Variants in RAI2 observed in about 807,000 individuals in gnomAD.
RAI2 encodes the protein retinoic acid-induced protein 2.
Under a neutral mutation model 15.3 loss-of-function variants are expected in RAI2, and 5 were observed. The observed-to-expected ratio is 0.33, with a 90% CI of 0.17 to 0.69. The LOEUF is 0.69. RAI2 is among the 30% of genes least tolerant of loss of function. The pLI, the probability that RAI2 is intolerant of heterozygous loss-of-function variation, is 0.69. For synonymous variants in RAI2, 191 were observed against 184.0 expected, an observed-to-expected ratio of 1.04 and a Z score of -0.31; for missense variants, 424 against 424.7, an observed-to-expected ratio of 1.00 and a Z score of 0.01.
chrX:17,849,874 G>C (rs1203616020), intron 1 of RAI2, among the ~76,000 whole-genome samples: 2 of 112,665 alleles, frequency 1.8e-5, no homozygotes, highest in African/African-American at 6.5e-5. Flanking sequence ...TTTTGTGAAA[G>C]GCTTCCTTTT....
chrX:17,854,864 G>T (rs1399862320), intron 1 of RAI2, among the ~76,000 whole-genome samples: 1 of 111,978 alleles, frequency 8.9e-6, no homozygotes, highest in Admixed American at 9.4e-5. Context: ...GCCCAAGGGG[G>T]TCAGCCAAGG....
At chrX:17,852,027 G>A (rs953988712) in intron 1 of RAI2, among the ~76,000 whole-genome samples, 2 of 111,730 alleles carry the variant, frequency 1.8e-5, no homozygotes, top group African/African-American at 6.5e-5. Flanking sequence ...AGTGGCCTCT[G>A]CACCACGAAA....
chrX:17,838,212 G>T (rs753867943), intron 1 of RAI2, among the ~76,000 whole-genome samples: 1 of 112,223 alleles, frequency 8.9e-6, no homozygotes, highest in Non-Finnish European at 1.9e-5. Flanking sequence ...AGCTCTTCAG[G>T]GTGCTGGGAC....
chrX:17,857,198 T>C (rs1021671782), intron 1 of RAI2, among the ~76,000 whole-genome samples: 1 of 111,861 alleles, frequency 8.9e-6, no homozygotes, highest in African/African-American at 3.3e-5. Context: ...GGCTTTTGTG[T>C]GTGGGAAGAG....
At chrX:17,842,825 T>C (rs748448525) in intron 1 of RAI2, among the ~76,000 whole-genome samples, 1 of 111,746 alleles carries the variant, frequency 8.9e-6, no homozygotes, top group East Asian at 2.8e-4. Flanking sequence ...AAACAAGATT[T>C]ACTACCAAGG....
At chrX:17,838,429 C>T (rs1230843560) in intron 1 of RAI2, among the ~76,000 whole-genome samples, 1 of 111,790 alleles carries the variant, frequency 8.9e-6, no homozygotes, top group Non-Finnish European at 1.9e-5. Context: ...CTGTCTCTCT[C>T]TGTCTTTCTC....
At position 17,802,874 on chromosome X, in the gene RAI2, C is replaced by G. The variant is rs145351781; in HGVS notation, c.-24-840G>C. Among the ~76,000 whole-genome samples the G allele has an allele frequency of 9.8e-5, 11 of 111,698 alleles. No individual in the cohort carries two copies. The East Asian group carries it at 3.1e-3, about 32-fold the overall frequency. Reference sequence around the variant, plus strand: ...TCGGCACCTCCCACAGACCTCTGGCCACCTCCTGAGAGGCCAAAGGCACCT... The same window carrying G: ...TCGGCACCTCCCACAGACCTCTGGCGACCTCCTGAGAGGCCAAAGGCACCT... On this transcript the variant is annotated intron_variant, in intron 1 of 1. Transcript: ENST00000451717.
chrX:17,823,888 GTAAATGGA>G (rs1175320995), intron 1 of RAI2, among the ~76,000 whole-genome samples: 20 of 111,399 alleles, frequency 1.8e-4, no homozygotes, highest in Middle Eastern at 4.6e-3. Context: ...TCACCACTAC[GTAAATGGA>G]TAGCTTATCC....
In RAI2 at chrX:17,805,382, C is replaced by T. The variant is rs192218394; in HGVS notation, c.-24-3348G>A. Reference sequence around the variant, plus strand: ...GGGCCTCGTCTGTCCCTCTGGTCACCGGAGTTCCTCCTGTCCTTGGGGACT... The same window carrying T: ...GGGCCTCGTCTGTCCCTCTGGTCACTGGAGTTCCTCCTGTCCTTGGGGACT... On this transcript the variant is annotated intron_variant, in intron 1 of 1. Transcript: ENST00000451717. Among the ~76,000 whole-genome samples the T allele has an allele frequency of 2.0e-3, 231 of 112,957 alleles. 1 individual carries two copies. Among genetic ancestry groups the T allele is most frequent in the African/African-American group, 7.0e-3 (218 of 31,153 alleles).
chrX:17,819,430 CCTT>C (rs1239729312), intron 1 of RAI2, among the ~76,000 whole-genome samples: 1 of 112,493 alleles, frequency 8.9e-6, no homozygotes, highest in Admixed American at 9.4e-5. Context: ...CTGTCTCACA[CCTT>C]CTAGAAAAGT....
chrX:17,835,545 T>C (rs1248568538), intron 1 of RAI2, among the ~76,000 whole-genome samples: 1 of 112,233 alleles, frequency 8.9e-6, no homozygotes, highest in Admixed American at 9.4e-5. Context: ...GATCTGTATC[T>C]GCAATTTGAC....
rs370700317 is a variant in RAI2 at position 17,801,987 on chromosome X, G to A, written c.24C>T (p.Asn8=). Reference sequence around the variant, plus strand: ...GGGAGTCAGTCATGTCCATGGAGAGGTTCTGGGACTGCAGGTCGTCCATCA... The same window carrying A: ...GGGAGTCAGTCATGTCCATGGAGAGATTCTGGGACTGCAGGTCGTCCATCA... MDDLQSQ[N]LSMDMTDSPP... Residue 8 remains asparagine, a synonymous_variant, in exon 2 of 2, where the codon AAC becomes AAT. Coordinates refer to ENST00000451717, the MANE Select transcript of RAI2 (RefSeq NM_021785.6). The A allele has an allele frequency of 8.3e-7, 1 of 1,199,504 alleles. No individual in the cohort carries two copies.
At position 17,800,401 on chromosome X, in the gene RAI2, T is replaced by A. The variant is rs1466484486; in HGVS notation, c.*17A>T. The A allele has an allele frequency of 8.6e-7, 1 of 1,165,447 alleles. No individual in the cohort carries two copies. Among genetic ancestry groups the A allele is most frequent in the Non-Finnish European group, 1.1e-6 (1 of 872,494 alleles). On this transcript the variant is annotated 3_prime_UTR_variant, in exon 2 of 2. Transcript: ENST00000451717. ...TTTCCCCATATTATAATCATACAAA[T>A]TTTAAAAAGCCGTTATTTACTTTCT...
At position 17,801,897 on chromosome X, in the gene RAI2, C is replaced by A; in HGVS notation, c.114G>T (p.Trp38Cys). The change falls in exon 2 of 2, where the codon TGG becomes TGT. Residue 38 changes from tryptophan (W) to cysteine (C), a missense_variant. By Grantham distance (215) the Trp-to-Cys change is radical. Transcript: ENST00000451717. ...TTACCAGGTCAGTGGAGTTGATGTTCCAGGCCTCGGTGGTGATCAGCTGAG... is the reference window on the plus strand; with the variant it reads ...TTACCAGGTCAGTGGAGTTGATGTTACAGGCCTCGGTGGTGATCAGCTGAG... ...GMAQLITTEA[W>C]NINSTDLVKK... 8.3e-7 allele frequency: 1 copy of A among 1,210,954 alleles called. No homozygotes were observed. Among genetic ancestry groups the A allele is most frequent in the Non-Finnish European group, 1.1e-6 (1 of 895,299 alleles).
At chrX:17,806,048 T>C (rs748093950) in intron 1 of RAI2, among the ~76,000 whole-genome samples, 45 of 111,772 alleles carry the variant, frequency 4.0e-4, no homozygotes, top group African/African-American at 1.4e-3. Context: ...AGTGGGAGCA[T>C]AGTGGGTGTT....
chrX:17,801,274 A>G lies in RAI2; in HGVS notation c.737T>C (p.Ile246Thr). The change falls in exon 2 of 2, where the codon ATT becomes ACT. Residue 246 changes from isoleucine to threonine, a missense_variant. By Grantham distance (89) the Ile-to-Thr change is moderately conservative (BLOSUM62 -1). Transcript: ENST00000451717. ...VIVPLPVPVPIPIPIPMPQSS... is the reference protein window; with the variant it reads ...VIVPLPVPVPTPIPIPMPQSS... Reference sequence around the variant, plus strand: ...CTGAGGCATCGGGATGGGGATGGGAATAGGGACTGGCACAGGCAAGGGGAC... The same window carrying G: ...CTGAGGCATCGGGATGGGGATGGGAGTAGGGACTGGCACAGGCAAGGGGAC... 1 of 1,197,947 alleles carries G rather than the reference A, an allele frequency of 8.3e-7. No homozygotes were observed. The highest frequency in any genetic ancestry group is 1.1e-6 in the Non-Finnish European group (1 of 887,275).
chrX:17,839,138 G>T (rs1283876403), intron 1 of RAI2, among the ~76,000 whole-genome samples: 1 of 112,241 alleles, frequency 8.9e-6, no homozygotes, highest in South Asian at 3.7e-4. Flanking sequence ...GGAGCTGCCT[G>T]CTCACCCCAA....
intron 1 of RAI2, among the ~76,000 whole-genome samples, chrX:17,846,327 C>A (rs1254072283): frequency 1.8e-5 from 2 of 111,575 alleles, no homozygotes; most frequent in African/African-American, 3.3e-5. Context: ...AGCACCCTCT[C>A]AATCCCAGGC....
intron 1 of RAI2, among the ~76,000 whole-genome samples, chrX:17,846,258 C>A (rs1395273213): frequency 9.0e-6 from 1 of 111,693 alleles, no homozygotes; most frequent in Non-Finnish European, 1.9e-5. Context: ...TGGGGTGACT[C>A]ACTCACCATG....
Sources: allele counts gnomAD v4.1 joint callset (sites outside exome capture counted in the v4.1 genomes callset), GRCh38; gene constraint gnomAD v4.1.1; transcripts MANE v1.5; gene names NCBI Gene and HGNC (gene_info 2026-07-23, HGNC 2026-07-21).